The following FRMD4A variants were observed in gnomAD, a reference collection of about 807,000 sequenced individuals.
FRMD4A encodes FERM domain containing 4A, also known as FERM domain-containing protein 4A.
A neutral mutation model predicts 129.1 loss-of-function variants in FRMD4A; 29 were observed. That is an observed-to-expected ratio of 0.22 (90% CI 0.17 to 0.31). The LOEUF is 0.31. Among genes scored for constraint, FRMD4A ranks in the 10% least tolerant of loss-of-function variants. FRMD4A has a pLI of 1.00. For missense variants in FRMD4A, 1,272 were observed against 1,375.8 expected, an observed-to-expected ratio of 0.92 and a Z score of 1.19; for synonymous variants, 634 against 571.6, an observed-to-expected ratio of 1.11 and a Z score of -1.56.
chr10:14,196,761 G>A (rs765278358), intron 2 of FRMD4A, among the ~76,000 whole-genome samples: 4 of 152,066 alleles, frequency 2.6e-5, no homozygotes, highest in Non-Finnish European at 4.4e-5. Flanking sequence ...ACTATTATTG[G>A]GATTACCAGT....
chr10:13,998,598 C>A (rs1441543348), intron 2 of FRMD4A, among the ~76,000 whole-genome samples: 2 of 152,246 alleles, frequency 1.3e-5, no homozygotes, highest in African/African-American at 2.4e-5. Flanking sequence ...GCTCTTCCTG[C>A]AGTGGTTCCC....
chr10:14,094,320 A>G (rs1373627206), intron 2 of FRMD4A, among the ~76,000 whole-genome samples: 1 of 152,234 alleles, frequency 6.6e-6, no homozygotes, highest in Non-Finnish European at 1.5e-5. Flanking sequence ...CAGGAGCCCC[A>G]GTCAACATGG....
chr10:13,795,478 T>C (rs971667673), intron 5 of FRMD4A, among the ~76,000 whole-genome samples: 3 of 152,216 alleles, frequency 2.0e-5, no homozygotes, highest in African/African-American at 7.2e-5. Flanking sequence ...TCTAATGCCT[T>C]GTGTGGCTTA....
intron 4 of FRMD4A, among the ~76,000 whole-genome samples, chr10:13,803,148 CAAA>C (rs5783350): frequency 7.8e-6 from 1 of 128,528 alleles, no homozygotes; most frequent in African/African-American, 2.9e-5. Flanking sequence ...GATTCCATCT[CAAA>C]AAAAAAAAAA....
intron 2 of FRMD4A, among the ~76,000 whole-genome samples, chr10:14,329,776 G>C (rs1843438737): frequency 6.6e-6 from 1 of 152,160 alleles, no homozygotes; most frequent in Admixed American, 6.5e-5. Flanking sequence ...AGGCATCCTA[G>C]CAATCTATTT....
chr10:14,185,808 TAG>T (rs1400912112), intron 2 of FRMD4A, among the ~76,000 whole-genome samples: 1 of 152,086 alleles, frequency 6.6e-6, no homozygotes, highest in Non-Finnish European at 1.5e-5. Context: ...CTGGGCGGAA[TAG>T]GGTAGACAGG....
chr10:13,859,138 G>A (rs2094256878), intron 2 of FRMD4A, among the ~76,000 whole-genome samples: 1 of 152,166 alleles, frequency 6.6e-6, no homozygotes, highest in South Asian at 2.1e-4. Context: ...AGTACTTTAG[G>A]AGGCCAAGGT....
chr10:14,145,180 A>G (rs1031866305), intron 2 of FRMD4A, among the ~76,000 whole-genome samples: 3 of 152,344 alleles, frequency 2.0e-5, no homozygotes, highest in African/African-American at 7.2e-5. Context: ...AGGTGACAGC[A>G]CACAGCAGAA....
chr10:13,707,623 A>G, intron 12 of FRMD4A: 1 of 988,898 alleles, frequency 1.0e-6, no homozygotes, highest in Non-Finnish European at 1.2e-6. Context: ...CCAGCCTCCC[A>G]TCGGGACTCC....
rs2083018450 is a variant in FRMD4A, at chr10:13,666,145, T to G, written c.1555A>C (p.Ile519Leu). 7.4e-6 allele frequency: 12 copies of G among 1,613,746 alleles called. No individual in the cohort carries two copies. The East Asian group carries it at 2.5e-4, about 33-fold the overall frequency. Residue 519 changes from isoleucine to leucine, a missense_variant, in exon 18 of 25, where the codon ATC (isoleucine) becomes CTC (leucine). Ile to Leu is a conservative substitution (Grantham distance 5). Around this residue, in one of 2 missense-constraint regions of FRMD4A, gnomAD observed 972 missense variants for 892.3 expected, o/e 1.09. Transcript: ENST00000357447. ...TGGGTGGGTTTCTTCCCAGACTTGA[T>G]GCGGTTCTCATTGATTGCATTTTCA... ...EIENAINENR[I>L]KSGKKPTQRA...
At position 14,165,968 on chromosome 10, in the gene FRMD4A, C is replaced by T. The variant is rs1841153625; in HGVS notation, c.45+164090G>A. On this transcript the variant is annotated intron_variant, in intron 2 of 24. Transcript: ENST00000357447. Reference sequence around the variant, plus strand: ...AAACCTTAGCATCATGCAATCTAGCCCTTGTAACAAACGTATCCATGTGCC... The same window carrying T: ...AAACCTTAGCATCATGCAATCTAGCTCTTGTAACAAACGTATCCATGTGCC... Among the ~76,000 whole-genome samples the T allele has an allele frequency of 3.3e-5, 5 of 152,062 alleles. No homozygotes were observed. In the South Asian group the frequency reaches 8.3e-4, roughly 25 times the overall value.
chr10:14,280,482 C>T (rs1358416327), intron 2 of FRMD4A, among the ~76,000 whole-genome samples: 1 of 152,072 alleles, frequency 6.6e-6, no homozygotes, highest in Non-Finnish European at 1.5e-5. Context: ...GGGCAAATCA[C>T]CATGTAAGTG....
rs150777160 is a variant in FRMD4A, at chr10:14,195,893, C to T, written c.45+134165G>A. The stretch of plus-strand genomic sequence containing the variant: ...ACTTACATTGAACACATACAAACTA[C>T]GAATCTAAGCCTGGTAGTTCCTTAC... On this transcript the variant is annotated intron_variant, in intron 2 of 24. Coordinates refer to ENST00000357447, the MANE Select transcript of FRMD4A (RefSeq NM_018027.5). Among the ~76,000 whole-genome samples, 464 of 152,270 alleles carry T rather than the reference C, an allele frequency of 3.0e-3. 1 individual carries two copies. The highest frequency in any genetic ancestry group is 0.011 in the African/African-American group (441 of 41,542).
At chr10:14,042,431 G>A (rs2131675940) in intron 2 of FRMD4A, among the ~76,000 whole-genome samples, 1 of 152,334 alleles carries the variant, frequency 6.6e-6, no homozygotes, top group East Asian at 1.9e-4. Context: ...GACGCGTCAA[G>A]TTATAAATAA....
intron 2 of FRMD4A, among the ~76,000 whole-genome samples, chr10:14,029,904 CG>C (rs199784750): frequency 4.9e-5 from 7 of 143,228 alleles, no homozygotes; most frequent in Admixed American, 1.3e-4. Flanking sequence ...CATTATTCTG[CG>C]TTGTGGATAT....
chr10:14,296,401 C>A (rs574486056), intron 2 of FRMD4A, among the ~76,000 whole-genome samples: 1 of 152,274 alleles, frequency 6.6e-6, no homozygotes, highest in African/African-American at 2.4e-5. Flanking sequence ...CTCCTGAGAA[C>A]AGCCCTCCTG....
At chr10:13,809,699 T>C (rs546195774) in intron 4 of FRMD4A, among the ~76,000 whole-genome samples, 2 of 152,296 alleles carry the variant, frequency 1.3e-5, no homozygotes, top group African/African-American at 4.8e-5. Context: ...TTGAGGAAGA[T>C]GTGGCTTTGC....
chr10:14,120,349 T>G (rs1372092831), intron 2 of FRMD4A, among the ~76,000 whole-genome samples: 2 of 152,100 alleles, frequency 1.3e-5, no homozygotes, highest in Non-Finnish European at 2.9e-5. Context: ...AAGCCTTCCT[T>G]GAGTTCCCTG....
chr10:13,945,983 A>G (rs752563526), intron 2 of FRMD4A, among the ~76,000 whole-genome samples: 8 of 152,222 alleles, frequency 5.3e-5, no homozygotes, highest in Non-Finnish European at 1.0e-4. Flanking sequence ...CACATTCCCT[A>G]GGAGTTGCCT....
Sources: allele counts gnomAD v4.1 joint callset (sites outside exome capture counted in the v4.1 genomes callset), GRCh38; gene constraint gnomAD v4.1.1; regional missense constraint gnomAD v4.1.1; transcripts MANE v1.5; gene names NCBI Gene and HGNC (gene_info 2026-07-23, HGNC 2026-07-21).